Variants in ERLIN1 observed in about 807,000 individuals in gnomAD.
The protein encoded by ERLIN1 is erlin-1.
ERLIN1 carries 24 observed loss-of-function variants against 46.9 expected under a neutral mutation model. That is an observed-to-expected ratio of 0.51 (90% CI 0.37 to 0.72). The LOEUF (loss-of-function observed/expected upper bound fraction) is 0.72, where lower values mean the gene tolerates loss of function less well. Ranked by LOEUF, ERLIN1 falls within the 30% of genes least tolerant of loss-of-function variation. The pLI is 0.00. For missense variants in ERLIN1, 293 were observed against 417.9 expected, an observed-to-expected ratio of 0.70 and a Z score of 2.61; for synonymous variants, 158 against 143.2, an observed-to-expected ratio of 1.10 and a Z score of -0.74.
chr10:100,156,471 G>A (rs1793561908), intron 8 of ERLIN1, among the ~76,000 whole-genome samples: 1 of 152,118 alleles, frequency 6.6e-6, no homozygotes, highest in South Asian at 2.1e-4. Context: ...AGTAAAAAAA[G>A]GTTAAAGTGC....
chr10:100,177,445 T>C (rs1844375955), intron 4 of ERLIN1, among the ~76,000 whole-genome samples: 2 of 152,236 alleles, frequency 1.3e-5, no homozygotes, highest in South Asian at 2.1e-4. Context: ...ATTATGACCT[T>C]ACATCCCAAT....
intron 6 of ERLIN1, 23 bp from the exon 7 acceptor site, chr10:100,167,429 CCA>C: frequency 6.3e-7 from 1 of 1,591,544 alleles, no homozygotes; most frequent in African/African-American, 1.3e-5. Flanking sequence ...AGTGAAAAAG[CCA>C]AAGTATATTT....
intron 8 of ERLIN1, among the ~76,000 whole-genome samples, chr10:100,156,933 TGAGCCTGG>T (rs1843111131): frequency 6.6e-6 from 1 of 152,164 alleles, no homozygotes; most frequent in Non-Finnish European, 1.5e-5. Context: ...GAGGATCTCT[TGAGCCTGG>T]GAGGTCAAGG....
chr10:100,159,854 G>C (rs1031960856), intron 8 of ERLIN1, among the ~76,000 whole-genome samples: 1 of 108,598 alleles, frequency 9.2e-6, no homozygotes, highest in African/African-American at 3.5e-5. Flanking sequence ...AGTTAAAAAA[G>C]AACAAATGAA....
chr10:100,152,148 T>G lies in ERLIN1; in HGVS notation c.1030A>C (p.Lys344Gln). Residue 344 changes from lysine (K) to glutamine (Q), a missense_variant, in exon 11 of 11, where the codon AAA (lysine) becomes CAA (glutamine). Coordinates refer to ENST00000421367, the MANE Select transcript of ERLIN1 (RefSeq NM_006459.4). ...EPSGENVIQN[K>Q]ESTG ...CTCTTGCATCAACCTGTGCTCTCTT[T>G]GTTTTGGATGACGTTCTCTCCAGAG... is the stretch of plus-strand genomic sequence containing the variant. 1 of 1,611,924 alleles carries G rather than the reference T, an allele frequency of 6.2e-7. No homozygotes were observed. Among genetic ancestry groups the G allele is most frequent in the Non-Finnish European group, 8.5e-7 (1 of 1,177,982 alleles).
At chr10:100,167,274 T>C in intron 7 of ERLIN1, 74 bp downstream of exon 7, 7 of 1,084,256 alleles carry the variant, frequency 6.5e-6, no homozygotes, top group Non-Finnish European at 9.9e-6. Flanking sequence ...GTCTCACATG[T>C]TTCCTCTAGA....
intron 2 of ERLIN1, among the ~76,000 whole-genome samples, chr10:100,179,787 G>C (rs941188174): frequency 6.6e-6 from 1 of 152,084 alleles, no homozygotes; most frequent in African/African-American, 2.4e-5. Flanking sequence ...AGATTCACTG[G>C]GAAAGGTTCA....
At chr10:100,155,051 C>T (rs934674179) in intron 9 of ERLIN1, 112 bp from the exon 10 acceptor site, 19 of 881,144 alleles carry the variant, frequency 2.2e-5, no homozygotes, top group Non-Finnish European at 3.4e-5. Context: ...GTTTTAAAAA[C>T]CTATTAGCAG....
Position 100,151,473 on chromosome 10 carries a change from G to C in ERLIN1, c.*658C>G, listed in dbSNP as rs1842799311. The C allele has an allele frequency of 1.3e-5, 2 of 157,706 alleles. No homozygotes were observed. Among genetic ancestry groups the C allele is most frequent in the African/African-American group, 4.8e-5 (2 of 41,480 alleles). 9.8% of individuals were successfully genotyped at this position (157,706 alleles called of 1,614,324 possible). A position where few individuals can be genotyped will look rare whatever the true frequency, so the allele number is the denominator to read the frequency against. ...TGTATCTCTGAGTTTATGAATACAA[G>C]AAACTAGTGATTAGGAATCTCTATG... On this transcript the variant is annotated 3_prime_UTR_variant, in exon 11 of 11. Coordinates refer to ENST00000421367, the MANE Select transcript of ERLIN1 (RefSeq NM_006459.4).
intron 6 of ERLIN1, among the ~76,000 whole-genome samples, chr10:100,173,461 C>A (rs1253694247): frequency 6.6e-6 from 1 of 152,184 alleles, no homozygotes; most frequent in Non-Finnish European, 1.5e-5. Flanking sequence ...CATACCATTT[C>A]TTTTCCTATT....
intron 10 of ERLIN1, among the ~76,000 whole-genome samples, chr10:100,153,386 T>C (rs1464220001): frequency 6.6e-6 from 1 of 152,246 alleles, no homozygotes; most frequent in Non-Finnish European, 1.5e-5. Flanking sequence ...AAGATGTATC[T>C]AACCAGAATC....
intron 6 of ERLIN1, among the ~76,000 whole-genome samples, chr10:100,173,406 G>C (rs11190413): frequency 0.038 from 5,760 of 152,064 alleles, 292 homozygotes; most frequent in East Asian, 0.28. Flanking sequence ...CACCTACCCC[G>C]CCACACTGTG....
chr10:100,166,143 G>C (rs1377754801), intron 7 of ERLIN1, among the ~76,000 whole-genome samples: 2 of 152,172 alleles, frequency 1.3e-5, no homozygotes, highest in Non-Finnish European at 2.9e-5. Context: ...AAACAGGCTG[G>C]GTGTGGTGAC....
chr10:100,185,603 A>G lies in ERLIN1; in HGVS notation c.24T>C (p.Val8=). Residue 8 remains valine, a synonymous_variant, in exon 1 of 11, where the codon GTT becomes GTC. Transcript: ENST00000421367. The part of the protein sequence containing the change: MNMTQAR[V]LVAAVVGLVA... ...CCAACCCCACCACTGCAGCCACCAG[A>G]ACCCGGGCTTGAGTCATATTCATTC... The G allele has an allele frequency of 6.2e-7, 1 of 1,614,010 alleles. No individual in the cohort carries two copies. Among genetic ancestry groups the G allele is most frequent in the South Asian group, 1.1e-5 (1 of 91,088 alleles).
intron 6 of ERLIN1, among the ~76,000 whole-genome samples, chr10:100,168,932 C>A (rs1843817313): frequency 6.6e-6 from 1 of 152,128 alleles, no homozygotes; most frequent in Non-Finnish European, 1.5e-5. Context: ...GATCCAACCA[C>A]CTCGGCCTCC....
At chr10:100,152,377 A>C (rs1175466080) in intron 10 of ERLIN1, 25 bp from the exon 11 acceptor site, 1 of 1,326,238 alleles carries the variant, frequency 7.5e-7, no homozygotes, top group African/African-American at 1.4e-5. Flanking sequence ...ACAAGAGCAA[A>C]GGCATCAGAA....
Position 100,151,903 on chromosome 10 carries a change from A to G in ERLIN1, c.*228T>C. 1 of 562,614 alleles carries G rather than the reference A, an allele frequency of 1.8e-6. No homozygotes were observed. The highest frequency in any genetic ancestry group is 3.2e-6 in the Non-Finnish European group (1 of 310,908). The allele number at this position is 562,614 out of a possible 1,614,324, so 34.9% of individuals were successfully genotyped here. ...TTTCCTCATTCATGAGTAGCAGTTT[A>G]GAAAGGAATACATATAGGATACTTG... On this transcript the variant is annotated 3_prime_UTR_variant, in exon 11 of 11. Transcript: ENST00000421367.
Position 100,163,944 on chromosome 10 carries a change from G to A in ERLIN1, c.655+60C>T, listed in dbSNP as rs1422383955. On this transcript the variant is annotated intron_variant, in intron 8 of 10. Transcript: ENST00000421367. Reference sequence around the variant, plus strand: ...GTCCCATGATACCCAAAATGAGACTGACAAAGAACAGGACAAACAAATGTA... The same window carrying A: ...GTCCCATGATACCCAAAATGAGACTAACAAAGAACAGGACAAACAAATGTA... 3.4e-6 allele frequency: 4 copies of A among 1,160,546 alleles called. No homozygotes were observed. In the African/African-American group the frequency reaches 6.1e-5, roughly 18 times the overall value. The allele number at this position is 1,160,546 out of a possible 1,614,324, so 71.9% of individuals were successfully genotyped here.
intron 8 of ERLIN1, among the ~76,000 whole-genome samples, chr10:100,163,196 T>G (rs1157360579): frequency 6.6e-6 from 1 of 152,192 alleles, no homozygotes; most frequent in Admixed American, 6.5e-5. Flanking sequence ...GTAACATTTT[T>G]GTAGTTTCAA....
Sources: gnomAD v4.1 joint callset for allele counts (sites outside exome capture counted in the v4.1 genomes callset) on GRCh38, gnomAD v4.1.1 for gene constraint, MANE v1.5 for transcripts, NCBI Gene and HGNC (gene_info 2026-07-23, HGNC 2026-07-21) for gene names.